The following RASGRP1 variants were observed in gnomAD, a reference collection of about 807,000 sequenced individuals.
RASGRP1 encodes the protein RAS guanyl releasing protein 1, also known as RAS guanyl-releasing protein 1.
Under a neutral mutation model 95.1 loss-of-function variants are expected in RASGRP1, and 37 were observed. The observed-to-expected ratio is 0.39, with a 90% CI of 0.30 to 0.51. The LOEUF (loss-of-function observed/expected upper bound fraction) is 0.51, where lower values mean the gene tolerates loss of function less well. Among genes scored for constraint, RASGRP1 ranks in the 20% least tolerant of loss-of-function variants. RASGRP1 has a pLI of 0.80. For missense variants in RASGRP1, 711 were observed against 965.4 expected, an observed-to-expected ratio of 0.74 and a Z score of 3.49; for synonymous variants, 325 against 353.4, an observed-to-expected ratio of 0.92 and a Z score of 0.90.
intron 2 of RASGRP1, among the ~76,000 whole-genome samples, chr15:38,542,873 GTA>G (rs1199654189): frequency 3.2e-4 from 43 of 132,398 alleles, no homozygotes; most frequent in African/African-American, 1.0e-3. Flanking sequence ...ACATATATGT[GTA>G]TATATATACA....
At chr15:38,541,990 G>A (rs1056847819) in intron 2 of RASGRP1, among the ~76,000 whole-genome samples, 1 of 152,178 alleles carries the variant, frequency 6.6e-6, no homozygotes, top group Admixed American at 6.5e-5. Flanking sequence ...AGAGGCAGGT[G>A]AGACTTTTCA....
At chr15:38,556,075 T>C (rs2141193148) in intron 2 of RASGRP1, among the ~76,000 whole-genome samples, 1 of 152,340 alleles carries the variant, frequency 6.6e-6, no homozygotes, top group South Asian at 2.1e-4. Context: ...TTTCTACCTC[T>C]GAAACAGATG....
chr15:38,542,424 C>T lies in RASGRP1; in HGVS notation c.221-16020G>A, dbSNP rs1253895708. 4.6e-5 allele frequency among the ~76,000 whole-genome samples: 7 copies of T among 151,902 alleles called. No homozygotes were observed. In the East Asian group the frequency reaches 1.4e-3, roughly 29 times the overall value. ...CCTAATACCTACTCCATCAAGAGAT[C>T]CAGGGATGGAGCAGAGAATTTGCAT... On this transcript the variant is annotated intron_variant, in intron 2 of 16. Transcript: ENST00000310803.
At chr15:38,539,086 T>TTA in intron 2 of RASGRP1, among the ~76,000 whole-genome samples, 1 of 152,070 alleles carries the variant, frequency 6.6e-6, no homozygotes, top group Admixed American at 6.5e-5. Context: ...GAGAGTAAGG[T>TTA]GGTATGACTT....
intron 2 of RASGRP1, among the ~76,000 whole-genome samples, chr15:38,554,016 T>C (rs568934246): frequency 6.6e-6 from 1 of 152,214 alleles, no homozygotes; most frequent in African/African-American, 2.4e-5. Context: ...TCAACATCCA[T>C]TCATGGGTCA....
At chr15:38,559,573 T>A (rs754473316) in intron 2 of RASGRP1, among the ~76,000 whole-genome samples, 1 of 152,102 alleles carries the variant, frequency 6.6e-6, no homozygotes, top group Non-Finnish European at 1.5e-5. Context: ...AAAACCTCCA[T>A]CCTAAGAAAA....
chr15:38,500,697 G>C (rs979481715), intron 13 of RASGRP1, among the ~76,000 whole-genome samples: 4 of 152,036 alleles, frequency 2.6e-5, no homozygotes, highest in African/African-American at 9.7e-5. Context: ...ATGAATCATC[G>C]GGCAAACAGG....
intron 9 of RASGRP1, among the ~76,000 whole-genome samples, chr15:38,506,656 AAAT>A (rs1891270655): frequency 6.6e-6 from 1 of 151,608 alleles, no homozygotes; most frequent in African/African-American, 2.4e-5. Flanking sequence ...AAAAAAAAAA[AAAT>A]AGTGAGTTTC....
chr15:38,526,738 G>A (rs1055601655), intron 2 of RASGRP1, among the ~76,000 whole-genome samples: 2 of 152,118 alleles, frequency 1.3e-5, no homozygotes, highest in African/African-American at 2.4e-5. Context: ...AACTGGTTGG[G>A]GGGTGGGCAG....
rs546448491 is a variant in RASGRP1 at position 38,561,855 on chromosome 15, G to A, written c.36-1850C>T. ...TAATTGATTTTCAAACAGGCCCTGT[G>A]ATAGCCCCAGAATTGGATCAGTCTC... On this transcript the variant is annotated intron_variant, in intron 1 of 16. Transcript: ENST00000310803. Among the ~76,000 whole-genome samples the A allele has an allele frequency of 3.3e-5, 5 of 152,326 alleles. No individual in the cohort carries two copies. The South Asian group carries it at 6.2e-4, about 19-fold the overall frequency.
Position 38,518,786 on chromosome 15 carries a change from G to A in RASGRP1, c.390-363C>T, listed in dbSNP as rs113798277. 2.7e-3 allele frequency among the ~76,000 whole-genome samples: 411 copies of A among 152,212 alleles called. 1 individual carries two copies. Among genetic ancestry groups the A allele is most frequent in the African/African-American group, 9.0e-3 (373 of 41,538 alleles). On this transcript the variant is annotated intron_variant, in intron 4 of 16. Coordinates refer to ENST00000310803, the MANE Select transcript of RASGRP1 (RefSeq NM_005739.4). Reference sequence around the variant, plus strand: ...TCATAGATTATGCTTTATCATATTCGAATATTACATGGCTATTAAAAAGAA... The same window carrying A: ...TCATAGATTATGCTTTATCATATTCAAATATTACATGGCTATTAAAAAGAA...
chr15:38,494,218 T>G, intron 16 of RASGRP1, 164 bp downstream of exon 16: 1 of 928,696 alleles, frequency 1.1e-6, no homozygotes, highest in Non-Finnish European at 1.7e-6. Flanking sequence ...CTTCCCTCCC[T>G]CTCTTCCTCC....
intron 2 of RASGRP1, among the ~76,000 whole-genome samples, chr15:38,531,180 C>G (rs1360130779): frequency 6.6e-6 from 1 of 152,230 alleles, no homozygotes; most frequent in African/African-American, 2.4e-5. Flanking sequence ...TCACAACTCA[C>G]AGCTGAGGAA....
At position 38,511,688 on chromosome 15, in the gene RASGRP1, C is replaced by T; in HGVS notation, c.882G>A (p.Leu294=). 1.2e-6 allele frequency: 2 copies of T among 1,613,612 alleles called. No individual in the cohort carries two copies. Among genetic ancestry groups the T allele is most frequent in the Non-Finnish European group, 1.7e-6 (2 of 1,179,644 alleles). ...GACACAGCCCACCTATCACAGCCAT[C>T]AGTGTATTGAAGTTCTGTAGTTGGT... ...KLHQLQNFNT[L]MAVIGGLCHS... Residue 294 remains leucine (L), a synonymous_variant, in exon 8 of 17, where the codon CTG becomes CTA. Coordinates refer to ENST00000310803, the MANE Select transcript of RASGRP1 (RefSeq NM_005739.4).
chr15:38,533,315 G>A (rs1232994884), intron 2 of RASGRP1, among the ~76,000 whole-genome samples: 3 of 152,182 alleles, frequency 2.0e-5, no homozygotes, highest in Admixed American at 6.5e-5. Flanking sequence ...ATGGAGGTCA[G>A]TATCTCCAGA....
At chr15:38,494,288 G>T in intron 16 of RASGRP1, 94 bp downstream of exon 16, 1 of 1,488,618 alleles carries the variant, frequency 6.7e-7, no homozygotes, top group African/African-American at 1.4e-5. Flanking sequence ...CTTGTAATCA[G>T]CCTGATCTGA....
At chr15:38,526,856 A>T (rs1307584935) in intron 2 of RASGRP1, among the ~76,000 whole-genome samples, 4 of 152,164 alleles carry the variant, frequency 2.6e-5, no homozygotes, top group African/African-American at 4.8e-5. Context: ...ATATGAATAC[A>T]TTTCTAGGGC....
At chr15:38,503,563 CT>C (rs921991003) in intron 10 of RASGRP1, 187 bp from the exon 11 acceptor site, 13 of 602,112 alleles carry the variant, frequency 2.2e-5, no homozygotes, top group South Asian at 4.2e-5. Flanking sequence ...AGGCATTGTG[CT>C]TACGGTTTCC....
chr15:38,560,783 GA>G (rs1893772522), intron 1 of RASGRP1, among the ~76,000 whole-genome samples: 1 of 152,220 alleles, frequency 6.6e-6, no homozygotes, highest in Non-Finnish European at 1.5e-5. Flanking sequence ...GATTGAAACA[GA>G]AAGCAGAGCT....
Sources: gnomAD v4.1 joint callset for allele counts (sites outside exome capture counted in the v4.1 genomes callset) on GRCh38, gnomAD v4.1.1 for gene constraint, MANE v1.5 for transcripts, NCBI Gene and HGNC (gene_info 2026-07-23, HGNC 2026-07-21) for gene names.